The following OPA1 variants were observed in gnomAD, a reference collection of about 807,000 sequenced individuals.
The protein encoded by OPA1 is dynamin-like GTPase OPA1, mitochondrial.
A neutral mutation model predicts 152.9 loss-of-function variants in OPA1; 59 were observed. The ratio of observed to expected loss-of-function variants is 0.39; its 90% CI spans 0.31 to 0.48. The LOEUF (loss-of-function observed/expected upper bound fraction) is 0.48, where lower values mean the gene tolerates loss of function less well. Ranked by LOEUF, OPA1 falls within the 20% of genes least tolerant of loss-of-function variation. OPA1 has a pLI of 0.96. For missense variants in OPA1, 1,008 were observed against 1,216.8 expected, an observed-to-expected ratio of 0.83 and a Z score of 2.55; for synonymous variants, 400 against 389.9, an observed-to-expected ratio of 1.03 and a Z score of -0.31.
chr3:193,652,114 C>G (rs1359698350), intron 21 of OPA1, among the ~76,000 whole-genome samples: 1 of 152,160 alleles, frequency 6.6e-6, no homozygotes, highest in Non-Finnish European at 1.5e-5. Context: ...GGCACGGTGG[C>G]TCATGCCTGT....
At chr3:193,686,669 T>C (rs766220538) in intron 29 of OPA1, among the ~76,000 whole-genome samples, 14 of 152,214 alleles carry the variant, frequency 9.2e-5, no homozygotes, top group Non-Finnish European at 1.9e-4. Context: ...AAAGGGCAAG[T>C]ATATAGTGTA....
In OPA1 at chr3:193,666,316, C is replaced by G. The variant is rs771717557; in HGVS notation, c.2799C>G (p.Val933=). The G allele has an allele frequency of 6.2e-7, 1 of 1,613,984 alleles. No individual in the cohort carries two copies. The highest frequency in any genetic ancestry group is 2.2e-5 in the East Asian group (1 of 44,868). ...TTCAGTTGGAATGCAATGATGTGGTCTTGTTTTGGCGTATACAGCGCATGC... is the reference window on the plus strand; with the variant it reads ...TTCAGTTGGAATGCAATGATGTGGTGTTGTTTTGGCGTATACAGCGCATGC... ...VDSELECNDV[V]LFWRIQRMLA... Residue 933 remains valine (V), a synonymous_variant, in exon 28 of 31, where the codon GTC becomes GTG. Transcript: ENST00000361510.
intron 13 of OPA1, 68 bp from the exon 14 acceptor site, chr3:193,643,305 C>T (rs1344631507): frequency 1.5e-6 from 2 of 1,304,106 alleles, no homozygotes; most frequent in Non-Finnish European, 2.2e-6. Flanking sequence ...ATACATTTCA[C>T]CAAAAAAAAT....
chr3:193,657,581 G>A (rs947526328), intron 23 of OPA1, among the ~76,000 whole-genome samples: 6 of 152,172 alleles, frequency 3.9e-5, no homozygotes, highest in Admixed American at 2.6e-4. Context: ...AACTACATGC[G>A]TTGGTTTTCA....
chr3:193,646,747 C>T (rs970871112), intron 18 of OPA1, among the ~76,000 whole-genome samples: 12 of 151,894 alleles, frequency 7.9e-5, no homozygotes, highest in East Asian at 1.9e-4. Flanking sequence ...CACTCCAGCC[C>T]GGACGACAGT....
intron 8 of OPA1, 94 bp from the exon 9 acceptor site, chr3:193,635,324 T>G: frequency 1.3e-6 from 1 of 742,252 alleles, no homozygotes; most frequent in African/African-American, 1.8e-5. Context: ...ATAGGAGATA[T>G]GACTTCAAGA....
chr3:193,669,396 G>A (rs1717423906), intron 29 of OPA1, among the ~76,000 whole-genome samples: 1 of 152,130 alleles, frequency 6.6e-6, no homozygotes, highest in African/African-American at 2.4e-5. Flanking sequence ...TGGCAATGTA[G>A]TTAAGTTTGT....
At position 193,638,082 on chromosome 3, in the gene OPA1, T is replaced by C; in HGVS notation, c.1149+17T>C. 1 of 1,578,202 alleles carries C rather than the reference T, an allele frequency of 6.3e-7. No individual in the cohort carries two copies. Among genetic ancestry groups the C allele is most frequent in the Non-Finnish European group, 8.7e-7 (1 of 1,147,896 alleles). ...CCAGTTAAGGTAAGAACATAGGCCG[T>C]CTCAGTGAGGTTCCTTAGGAGAGTA... On this transcript the variant is annotated intron_variant, in intron 11 of 30. Coordinates refer to ENST00000361510, the MANE Select transcript of OPA1 (RefSeq NM_130837.3).
At chr3:193,667,379 C>T (rs965470074) in intron 29 of OPA1, 99 bp downstream of exon 29, 6 of 776,582 alleles carry the variant, frequency 7.7e-6, no homozygotes, top group African/African-American at 3.4e-5. Context: ...AGAAAAGTTA[C>T]AAGGAACTGG....
chr3:193,654,937 G>C lies in OPA1; in HGVS notation c.2088G>C (p.Ala696=). The C allele has an allele frequency of 6.2e-7, 1 of 1,613,824 alleles. No homozygotes were observed. The highest frequency in any genetic ancestry group is 8.5e-7 in the Non-Finnish European group (1 of 1,179,900). ...TTGAAAACATCTACCTTCCAGCTGC[G>C]CAGACCATGAATTCAGGAACTTTTA... ...HVIENIYLPA[A]QTMNSGTFNT... Residue 696 remains alanine, a synonymous_variant, in exon 22 of 31, where the codon GCG becomes GCC. Transcript: ENST00000361510.
At position 193,667,167 on chromosome 3, in the gene OPA1, CAGTT is replaced by C. The variant is rs80356530; in HGVS notation, c.2873_2876del (p.Val958GlyfsTer3). 38 of 1,453,232 alleles carry C rather than the reference CAGTT, an allele frequency of 2.6e-5. No homozygotes were observed. Among genetic ancestry groups the C allele is most frequent in the African/African-American group, 5.6e-5 (4 of 71,776 alleles). 90.0% of individuals were successfully genotyped at this position (1,453,232 alleles called of 1,614,324 possible). On this transcript the variant is annotated splice_acceptor_variant and coding_sequence_variant, in exon 29 of 31. Transcript: ENST00000361510. LOFTEE classifies it high-confidence loss of function. Reference sequence around the variant, plus strand: ...CTCAGGTTTTTTAACTTTCTTTAAACAGTTAGGCGATTAGAGAAAAATGTTAAAG... The same window carrying C: ...CTCAGGTTTTTTAACTTTCTTTAAACAGGCGATTAGAGAAAAATGTTAAAG...
At chr3:193,630,061 T>G (rs1409030862) in intron 7 of OPA1, among the ~76,000 whole-genome samples, 1 of 152,234 alleles carries the variant, frequency 6.6e-6, no homozygotes, top group Non-Finnish European at 1.5e-5. Context: ...ACCACACTAT[T>G]ACAGTGTGAT....
chr3:193,649,373 C>G (rs1352223095), intron 21 of OPA1, among the ~76,000 whole-genome samples: 1 of 152,034 alleles, frequency 6.6e-6, no homozygotes, highest in Admixed American at 6.6e-5. Flanking sequence ...ATATGTTAAT[C>G]TTTTCTAAGG....
chr3:193,675,413 G>A (rs919198271), intron 29 of OPA1, among the ~76,000 whole-genome samples: 5 of 150,802 alleles, frequency 3.3e-5, no homozygotes, highest in Admixed American at 2.0e-4. Context: ...GAAGCATCCC[G>A]GCAGCATCTT....
intron 7 of OPA1, among the ~76,000 whole-genome samples, chr3:193,627,750 T>C (rs1469559071): frequency 6.6e-6 from 1 of 152,212 alleles, no homozygotes; most frequent in East Asian, 1.9e-4. Context: ...TGAAAGCTAA[T>C]GTTCATTTTA....
intron 29 of OPA1, among the ~76,000 whole-genome samples, chr3:193,687,902 A>G (rs1402550508): frequency 2.0e-5 from 3 of 152,218 alleles, no homozygotes; most frequent in Non-Finnish European, 2.9e-5. Context: ...AGCCTTGATA[A>G]TAAGGTGCAA....
intron 16 of OPA1, among the ~76,000 whole-genome samples, chr3:193,645,149 T>C (rs1259805739): frequency 6.6e-6 from 1 of 152,106 alleles, no homozygotes; most frequent in Non-Finnish European, 1.5e-5. Context: ...GAAGAAAGTA[T>C]GGAAAAATAA....
At chr3:193,604,620 G>A (rs533690541) in intron 1 of OPA1, among the ~76,000 whole-genome samples, 2 of 152,218 alleles carry the variant, frequency 1.3e-5, no homozygotes, top group Admixed American at 6.5e-5. Context: ...CAGCACTTTG[G>A]GAGGCTGAGG....
At chr3:193,684,749 C>A (rs1720704287) in intron 29 of OPA1, among the ~76,000 whole-genome samples, 2 of 151,900 alleles carry the variant, frequency 1.3e-5, no homozygotes, top group Admixed American at 6.6e-5. Context: ...CTGCGCCCAG[C>A]CAAGTACTAT....
Sources: allele counts gnomAD v4.1 joint callset (sites outside exome capture counted in the v4.1 genomes callset), GRCh38; gene constraint gnomAD v4.1.1; transcripts MANE v1.5; gene names NCBI Gene and HGNC (gene_info 2026-07-23, HGNC 2026-07-21).